The following HNRNPUL1 variants were observed in gnomAD, a reference collection of about 807,000 sequenced individuals.
The protein encoded by HNRNPUL1 is heterogeneous nuclear ribonucleoprotein U like 1, also known as heterogeneous nuclear ribonucleoprotein U-like protein 1.
A neutral mutation model predicts 108.5 loss-of-function variants in HNRNPUL1; 14 were observed. The observed-to-expected ratio is 0.13, with a 90% CI of 0.09 to 0.20. The LOEUF is 0.20. Among genes scored for constraint, HNRNPUL1 ranks in the 10% least tolerant of loss-of-function variants. HNRNPUL1 has a pLI of 1.00. For missense variants in HNRNPUL1, 804 were observed against 1,168.3 expected (o/e 0.69, Z 4.55); for synonymous variants, 422 against 445.2 (o/e 0.95, Z 0.66).
chr19:41,275,837 T>G (rs1461533721), intron 4 of HNRNPUL1, among the ~76,000 whole-genome samples: 4 of 152,144 alleles, frequency 2.6e-5, no homozygotes, highest in African/African-American at 9.7e-5. Context: ...GCGTGGTGGC[T>G]CACGCCTGTA....
chr19:41,268,981 G>T (rs2035038479), intron 2 of HNRNPUL1, among the ~76,000 whole-genome samples: 1 of 152,030 alleles, frequency 6.6e-6, no homozygotes, highest in Admixed American at 6.6e-5. Context: ...AGTCTAATCT[G>T]GTATTTCTCA....
At chr19:41,297,088 C>G (rs2036935753) in intron 10 of HNRNPUL1, among the ~76,000 whole-genome samples, 1 of 152,196 alleles carries the variant, frequency 6.6e-6, no homozygotes. Context: ...TCTGTGATAA[C>G]CTGAGTAGCC....
At position 41,291,143 on chromosome 19, in the gene HNRNPUL1, G is replaced by A. The variant is rs184517604; in HGVS notation, c.1000-1102G>A. 1.1e-4 allele frequency among the ~76,000 whole-genome samples: 16 copies of A among 152,324 alleles called. No homozygotes were observed. In the East Asian group the frequency reaches 2.1e-3, roughly 20 times the overall value. On this transcript the variant is annotated intron_variant, in intron 7 of 14. Coordinates refer to ENST00000392006, the MANE Select transcript of HNRNPUL1 (RefSeq NM_007040.6). Reference sequence around the variant, plus strand: ...GTGGTCCCTGCATGGCTCTTCAGCTGTTCCTGAATTACTTCCCCCTCATCT... The same window carrying A: ...GTGGTCCCTGCATGGCTCTTCAGCTATTCCTGAATTACTTCCCCCTCATCT...
At chr19:41,305,370 A>G (rs1451738799) in intron 13 of HNRNPUL1, among the ~76,000 whole-genome samples, 1 of 152,190 alleles carries the variant, frequency 6.6e-6, no homozygotes, top group African/African-American at 2.4e-5. Flanking sequence ...TTCTTGTTCT[A>G]TTGTGATTCT....
At position 41,306,597 on chromosome 19, in the gene HNRNPUL1, T is replaced by TGCC; in HGVS notation, c.*34_*36dup. On this transcript the variant is annotated 3_prime_UTR_variant, in exon 15 of 15. Coordinates refer to ENST00000392006, the MANE Select transcript of HNRNPUL1 (RefSeq NM_007040.6). ...TGACCCAGAGGCTCCCGGAGGCCCC[T>TGCC]GCCGGCTTCCTCCACCAGCGCCTGC... The TGCC allele has an allele frequency of 1.4e-6, 2 of 1,393,396 alleles. No individual in the cohort carries two copies. The highest frequency in any genetic ancestry group is 1.9e-6 in the Non-Finnish European group (2 of 1,041,962). 86.3% of individuals were successfully genotyped at this position (1,393,396 alleles called of 1,614,324 possible). A position where few individuals can be genotyped will look rare whatever the true frequency, so the allele number is the denominator to read the frequency against.
intron 10 of HNRNPUL1, 50 bp from the exon 11 acceptor site, chr19:41,301,486 A>G: frequency 6.5e-7 from 1 of 1,544,136 alleles, no homozygotes; most frequent in Non-Finnish European, 8.8e-7. Flanking sequence ...AGAGGAAAAA[A>G]CCAACTCTTA....
intron 7 of HNRNPUL1, among the ~76,000 whole-genome samples, chr19:41,291,072 A>C (rs1365617614): frequency 2.0e-5 from 3 of 152,184 alleles, no homozygotes; most frequent in African/African-American, 7.2e-5. Flanking sequence ...GATCTTAATT[A>C]CTAACTTTAG....
chr19:41,279,278 T>C, intron 6 of HNRNPUL1, 102 bp downstream of exon 6: 1 of 788,488 alleles, frequency 1.3e-6, no homozygotes, highest in Non-Finnish European at 2.2e-6. Context: ...AGACTTAGAA[T>C]AGAACTAGGC....
chr19:41,278,942 C>G, intron 5 of HNRNPUL1, 135 bp from the exon 6 acceptor site: 1 of 685,682 alleles, frequency 1.5e-6, no homozygotes, highest in Non-Finnish European at 2.6e-6. Context: ...CTTTTCAGAG[C>G]TGCTTAAACG....
chr19:41,291,997 A>C (rs538285918), intron 7 of HNRNPUL1: 97 of 510,292 alleles, frequency 1.9e-4, no homozygotes, highest in Middle Eastern at 1.6e-3. Flanking sequence ...AAAAAAACAA[A>C]AAAAAAAAAC....
rs764514924 is a variant in HNRNPUL1, at chr19:41,302,647, G to A, written c.1688-18G>A. 6.2e-6 allele frequency: 10 copies of A among 1,614,030 alleles called. No individual in the cohort carries two copies. The East Asian group carries it at 1.6e-4, about 25-fold the overall frequency. On this transcript the variant is annotated intron_variant, in intron 11 of 14. Coordinates refer to ENST00000392006, the MANE Select transcript of HNRNPUL1 (RefSeq NM_007040.6). The stretch of plus-strand genomic sequence containing the variant: ...ACCTCTTCTTCTTGTTCTCTTTGGG[G>A]CACTTCCTTCCTCCTAGCCAACTTC...
At chr19:41,295,507 T>C (rs1213929097) in intron 10 of HNRNPUL1, among the ~76,000 whole-genome samples, 1 of 152,266 alleles carries the variant, frequency 6.6e-6, no homozygotes. Context: ...TGCAACGTCA[T>C]TGCCTATTGA....
At chr19:41,265,106 G>A in intron 1 of HNRNPUL1, 2 of 1,418,068 alleles carry the variant, frequency 1.4e-6, no homozygotes, top group Non-Finnish European at 1.8e-6. Context: ...GCCGAAGAGA[G>A]TCGGAAGAAC....
upstream of HNRNPUL1, among the ~76,000 whole-genome samples, chr19:41,264,125 A>C (rs889950816): frequency 2.0e-5 from 3 of 152,156 alleles, no homozygotes; most frequent in Non-Finnish European, 2.9e-5. Context: ...CCGGCGCGCG[A>C]GAGTTACCCA....
At chr19:41,263,412 C>A (rs1465260972), upstream of HNRNPUL1, among the ~76,000 whole-genome samples, 2 of 152,040 alleles carry the variant, frequency 1.3e-5, no homozygotes, top group African/African-American at 4.8e-5. Context: ...GGAGAGCGGT[C>A]GGTGAACTTC....
chr19:41,305,746 C>A lies in HNRNPUL1; in HGVS notation c.2333C>A (p.Pro778His). ...GGCTACACAGCCCCACCGCCTCCAC[C>A]TCCACCACCACCTGCCTACAACTAT... ...SQGYTAPPPP[P>H]PPPPAYNYGS... The change falls in exon 14 of 15, where the codon CCT becomes CAT. Residue 778 changes from proline (P) to histidine (H), a missense_variant. Physicochemically the swap from Pro to His is moderately conservative, Grantham distance 77. Around this residue, in one of 4 missense-constraint regions of HNRNPUL1, gnomAD observed 294 missense variants for 388.3 expected, o/e 0.76. Coordinates refer to ENST00000392006, the MANE Select transcript of HNRNPUL1 (RefSeq NM_007040.6). 1 of 1,614,152 alleles carries A rather than the reference C, an allele frequency of 6.2e-7. No individual in the cohort carries two copies. Among genetic ancestry groups the A allele is most frequent in the East Asian group, 2.2e-5 (1 of 44,880 alleles).
intron 13 of HNRNPUL1, 26 bp downstream of exon 13, chr19:41,304,287 T>G: frequency 6.4e-7 from 1 of 1,568,828 alleles, no homozygotes; most frequent in South Asian, 1.2e-5. Context: ...TGTGTTTGTA[T>G]GTAGTGATCG....
chr19:41,291,774 G>C (rs112830426), intron 7 of HNRNPUL1: 8,741 of 160,376 alleles, frequency 0.055, 303 homozygotes, highest in South Asian at 0.096. Flanking sequence ...CTTGAGTCCA[G>C]GATTTCAAGA....
At chr19:41,293,032 G>C (rs1260605444) in intron 8 of HNRNPUL1, among the ~76,000 whole-genome samples, 1 of 151,862 alleles carries the variant, frequency 6.6e-6, no homozygotes, top group East Asian at 1.9e-4. Flanking sequence ...CACTGAGCCT[G>C]GCCCACCGAG....
Sources: gnomAD v4.1 joint callset for allele counts (sites outside exome capture counted in the v4.1 genomes callset) on GRCh38, gnomAD v4.1.1 for gene constraint, gnomAD v4.1.1 regional missense constraint, MANE v1.5 for transcripts, NCBI Gene and HGNC (gene_info 2026-07-23, HGNC 2026-07-21) for gene names.